Variants in ATRNL1 observed in about 807,000 individuals in gnomAD.
The protein encoded by ATRNL1 is attractin like 1.
Under a neutral mutation model 182.7 loss-of-function variants are expected in ATRNL1, and 95 were observed. The ratio of observed to expected loss-of-function variants is 0.52; its 90% CI spans 0.44 to 0.62. The LOEUF (loss-of-function observed/expected upper bound fraction) is 0.62, where lower values mean the gene tolerates loss of function less well. ATRNL1 is among the 20% of genes least tolerant of loss of function. ATRNL1 has a pLI of 0.00. For synonymous variants in ATRNL1, 576 were observed against 568.3 expected, an observed-to-expected ratio of 1.01 and a Z score of -0.19; for missense variants, 1,471 against 1,679.5, an observed-to-expected ratio of 0.88 and a Z score of 2.17.
At chr10:115,365,661 GC>G (rs1554945719) in intron 19 of ATRNL1, among the ~76,000 whole-genome samples, 1 of 151,028 alleles carries the variant, frequency 6.6e-6, no homozygotes, top group East Asian at 1.9e-4. Flanking sequence ...GGCATTTAGT[GC>G]TATAAATTTC....
chr10:115,662,384 A>G (rs1860749214), intron 26 of ATRNL1, among the ~76,000 whole-genome samples: 1 of 152,120 alleles, frequency 6.6e-6, no homozygotes, highest in Non-Finnish European at 1.5e-5. Flanking sequence ...TAGTTCAACC[A>G]TTGTGGAAGT....
intron 3 of ATRNL1, among the ~76,000 whole-genome samples, chr10:115,123,185 C>A (rs1554872259): frequency 6.6e-6 from 1 of 152,102 alleles, no homozygotes; most frequent in African/African-American, 2.4e-5. Context: ...TTCTTGTTAG[C>A]CCTCCTAAGG....
intron 27 of ATRNL1, among the ~76,000 whole-genome samples, chr10:115,768,354 T>C (rs1288391050): frequency 6.6e-6 from 1 of 152,140 alleles, no homozygotes; most frequent in Admixed American, 6.5e-5. Context: ...TTTTCTTTCT[T>C]GCTTTATGAT....
At chr10:115,485,655 C>T (rs964484092) in intron 24 of ATRNL1, among the ~76,000 whole-genome samples, 1 of 151,820 alleles carries the variant, frequency 6.6e-6, no homozygotes, top group Admixed American at 6.6e-5. Context: ...CACCCAACGT[C>T]TTTATTTTTT....
chr10:115,103,655 T>G (rs1843878282), intron 1 of ATRNL1, among the ~76,000 whole-genome samples: 1 of 152,198 alleles, frequency 6.6e-6, no homozygotes, highest in Non-Finnish European at 1.5e-5. Flanking sequence ...ATACTAATTA[T>G]ACTTTCTACC....
intron 5 of ATRNL1, among the ~76,000 whole-genome samples, chr10:115,158,813 C>CATATAAGGT (rs1367413108): frequency 1.8e-4 from 28 of 151,946 alleles, no homozygotes; most frequent in African/African-American, 6.7e-4. Flanking sequence ...TGAGTAATGC[C>CATATAAGGT]ACTGTATTGT....
intron 26 of ATRNL1, among the ~76,000 whole-genome samples, chr10:115,622,924 C>T (rs2133809721): frequency 6.6e-6 from 1 of 150,646 alleles, no homozygotes; most frequent in Middle Eastern, 3.4e-3. Context: ...GAGACTGTGT[C>T]TCGAAAAAAA....
At chr10:115,205,334 G>A (rs1276226957) in intron 8 of ATRNL1, among the ~76,000 whole-genome samples, 3 of 151,504 alleles carry the variant, frequency 2.0e-5, no homozygotes, top group Admixed American at 6.6e-5. Context: ...AGTTTTAGAC[G>A]ATTTATATTT....
intron 19 of ATRNL1, among the ~76,000 whole-genome samples, chr10:115,392,077 G>A (rs190167228): frequency 6.0e-4 from 91 of 152,246 alleles, no homozygotes; most frequent in African/African-American, 2.1e-3. Context: ...ATCGATACAA[G>A]TAGTAGCATT....
chr10:115,094,066 G>T (rs2084947298), intron 1 of ATRNL1, 23 bp downstream of exon 1: 2 of 1,431,716 alleles, frequency 1.4e-6, no homozygotes, highest in Non-Finnish European at 1.8e-6. Flanking sequence ...GCCGGACCCC[G>T]AACCTCCAGC....
chr10:115,371,614 G>A (rs532133111), intron 19 of ATRNL1, among the ~76,000 whole-genome samples: 10 of 152,230 alleles, frequency 6.6e-5, no homozygotes, highest in African/African-American at 1.4e-4. Context: ...TATATTTACC[G>A]AATGCCTGTA....
intron 18 of ATRNL1, among the ~76,000 whole-genome samples, chr10:115,326,324 C>A (rs921737954): frequency 8.5e-5 from 13 of 152,088 alleles, no homozygotes; most frequent in Non-Finnish European, 1.5e-4. Context: ...TGAGTGAACT[C>A]CCATTCACAA....
chr10:115,256,679 CT>C (rs199514037), intron 10 of ATRNL1, among the ~76,000 whole-genome samples: 1,784 of 152,038 alleles, frequency 0.012, 34 homozygotes, highest in African/African-American at 0.04. Context: ...CTTCCGCTAG[CT>C]TTTTGAATGT....
intron 26 of ATRNL1, among the ~76,000 whole-genome samples, chr10:115,568,885 T>C (rs1341370451): frequency 1.3e-5 from 2 of 152,090 alleles, no homozygotes; most frequent in Admixed American, 1.3e-4. Flanking sequence ...GTTTCCTTTA[T>C]CAGGATGTTG....
rs149545630 is a variant in ATRNL1, at chr10:115,305,623, A to G, written c.2818+3580A>G. 3.1e-4 allele frequency among the ~76,000 whole-genome samples: 47 copies of G among 152,310 alleles called. No individual in the cohort carries two copies. In the East Asian group the frequency reaches 6.4e-3, roughly 21 times the overall value. On this transcript the variant is annotated intron_variant, in intron 17 of 28. Coordinates refer to ENST00000355044, the MANE Select transcript of ATRNL1 (RefSeq NM_207303.4). ...ACAATGCGCACCTTCTCCTGCCTCA[A>G]TAGTCATGCTTGTCTCTCGACAAAC...
intron 28 of ATRNL1, among the ~76,000 whole-genome samples, chr10:115,918,632 G>A (rs1952952281): frequency 6.6e-6 from 1 of 152,142 alleles, no homozygotes; most frequent in South Asian, 2.1e-4. Context: ...GGCAAAAGGG[G>A]ATAAAACACA....
intron 28 of ATRNL1, among the ~76,000 whole-genome samples, chr10:115,914,748 AG>A (rs1325665547): frequency 6.6e-6 from 1 of 152,184 alleles, no homozygotes. Context: ...TTCAACTGTT[AG>A]GAAGTGAGAT....
chr10:115,876,841 GT>G (rs1951711522), intron 28 of ATRNL1, among the ~76,000 whole-genome samples: 1 of 152,132 alleles, frequency 6.6e-6, no homozygotes, highest in South Asian at 2.1e-4. Flanking sequence ...AATCTACCAT[GT>G]TTTAATCAGA....
intron 1 of ATRNL1, among the ~76,000 whole-genome samples, chr10:115,102,882 C>G (rs1291557527): frequency 6.6e-6 from 1 of 151,944 alleles, no homozygotes; most frequent in Non-Finnish European, 1.5e-5. Context: ...ATTGTGTTGA[C>G]TTAGTAAATC....
Sources: gnomAD v4.1 joint callset for allele counts (sites outside exome capture counted in the v4.1 genomes callset) on GRCh38, gnomAD v4.1.1 for gene constraint, MANE v1.5 for transcripts, NCBI Gene and HGNC (gene_info 2026-07-23, HGNC 2026-07-21) for gene names.